ITK: variants seen among roughly 807,000 people sequenced by gnomAD.
ITK encodes tyrosine-protein kinase ITK/TSK.
Under a neutral mutation model 87.6 loss-of-function variants are expected in ITK, and 45 were observed. The ratio of observed to expected loss-of-function variants is 0.51; its 90% CI spans 0.40 to 0.66. The LOEUF is 0.66. Among genes scored for constraint, ITK ranks in the 30% least tolerant of loss-of-function variants. ITK has a pLI of 0.00. For missense variants in ITK, 605 were observed against 766.3 expected (o/e 0.79, Z 2.48); for synonymous variants, 303 against 273.6 (o/e 1.11, Z -1.06).
At chr5:157,192,479 G>A (rs1395051946) in intron 1 of ITK, among the ~76,000 whole-genome samples, 1 of 152,232 alleles carries the variant, frequency 6.6e-6, no homozygotes, top group African/African-American at 2.4e-5. Flanking sequence ...AAAAGCGGAT[G>A]AGGTGAGCAA....
chr5:157,211,563 G>C, intron 3 of ITK, 195 bp downstream of exon 3: 1 of 612,128 alleles, frequency 1.6e-6, no homozygotes. Flanking sequence ...ACCAAATCCA[G>C]CCTGCTGTCT....
At position 157,241,573 on chromosome 5, in the gene ITK, T is replaced by C; in HGVS notation, c.986-73T>C. On this transcript the variant is annotated intron_variant, in intron 10 of 16. Transcript: ENST00000422843. ...GCGTCTGATGATGATTATTATTTTT[T>C]TTAGTGATTTAAGTTAGATGGTTGC... The C allele has an allele frequency of 3.0e-6, 3 of 1,016,494 alleles. No individual in the cohort carries two copies. In the South Asian group the frequency reaches 3.8e-5, roughly 13 times the overall value. The allele number at this position is 1,016,494 out of a possible 1,614,324, so 63.0% of individuals were successfully genotyped here. A position where few individuals can be genotyped will look rare whatever the true frequency, so the allele number is the denominator to read the frequency against.
intron 5 of ITK, among the ~76,000 whole-genome samples, chr5:157,222,060 C>T (rs1357307585): frequency 6.6e-6 from 1 of 152,006 alleles, no homozygotes; most frequent in Admixed American, 6.5e-5. Flanking sequence ...CTTTTTTCAG[C>T]TCCAGTATTT....
chr5:157,206,673 T>C (rs1754085189), intron 1 of ITK, among the ~76,000 whole-genome samples: 1 of 152,218 alleles, frequency 6.6e-6, no homozygotes, highest in South Asian at 2.1e-4. Context: ...TATGTGTGCA[T>C]AGAGGTGTTC....
chr5:157,230,447 G>A (rs376392270), intron 7 of ITK, among the ~76,000 whole-genome samples: 19 of 152,270 alleles, frequency 1.2e-4, no homozygotes, highest in East Asian at 3.9e-4. Flanking sequence ...AAATGTGGTC[G>A]TGTTATTTGT....
chr5:157,220,640 G>A (rs1214859963), intron 5 of ITK, among the ~76,000 whole-genome samples: 1 of 152,078 alleles, frequency 6.6e-6, no homozygotes, highest in African/African-American at 2.4e-5. Context: ...CCACATCATG[G>A]AGGCTCCCAA....
rs1184747777 is a variant in ITK, at chr5:157,248,859, T to C, written c.1643T>C (p.Met548Thr). 4 of 1,613,966 alleles carry C rather than the reference T, an allele frequency of 2.5e-6. No individual in the cohort carries two copies. The highest frequency in any genetic ancestry group is 2.5e-6 in the Non-Finnish European group (3 of 1,179,866). Residue 548 changes from methionine (M) to threonine (T), a missense_variant, in exon 16 of 17, where the codon ATG becomes ACG. By Grantham distance (81) the Met-to-Thr change is moderately conservative. Coordinates refer to ENST00000422843, the MANE Select transcript of ITK (RefSeq NM_005546.4). ...KSDVWSFGVL[M>T]WEVFSEGKIP... Reference sequence around the variant, plus strand: ...TCACCATTTCTTGTAGGTGTGCTGATGTGGGAAGTTTTCAGTGAAGGCAAA... The same window carrying C: ...TCACCATTTCTTGTAGGTGTGCTGACGTGGGAAGTTTTCAGTGAAGGCAAA...
intron 1 of ITK, among the ~76,000 whole-genome samples, chr5:157,198,775 T>C (rs1477432922): frequency 6.6e-6 from 1 of 152,180 alleles, no homozygotes; most frequent in Non-Finnish European, 1.5e-5. Flanking sequence ...TTGTTTTATC[T>C]TGTTTTGTTT....
In ITK at chr5:157,216,108, C is replaced by T. The variant is rs918779088; in HGVS notation, c.455-1759C>T. On this transcript the variant is annotated intron_variant, in intron 4 of 16. Coordinates refer to ENST00000422843, the MANE Select transcript of ITK (RefSeq NM_005546.4). Reference sequence around the variant, plus strand: ...CATTGCCATATCCTCCTCTGAGCATCTCCTCACTCTACCCTCTTCTGATTT... The same window carrying T: ...CATTGCCATATCCTCCTCTGAGCATTTCCTCACTCTACCCTCTTCTGATTT... Among the ~76,000 whole-genome samples the T allele has an allele frequency of 2.0e-5, 3 of 152,330 alleles. No individual in the cohort carries two copies. The East Asian group carries it at 5.8e-4, about 29-fold the overall frequency.
chr5:157,235,096 A>G (rs951675082), intron 8 of ITK, among the ~76,000 whole-genome samples: 1 of 152,196 alleles, frequency 6.6e-6, no homozygotes, highest in African/African-American at 2.4e-5. Flanking sequence ...TAGTTGTTCA[A>G]TAAATATTTG....
At chr5:157,202,994 C>G (rs953660609) in intron 1 of ITK, among the ~76,000 whole-genome samples, 2 of 152,128 alleles carry the variant, frequency 1.3e-5, no homozygotes, top group African/African-American at 4.8e-5. Context: ...ATTTTTCTAC[C>G]CCAGGATTTT....
rs1338954926 is a variant in ITK at position 157,212,224 on chromosome 5, G to A, written c.325+856G>A. On this transcript the variant is annotated intron_variant, in intron 3 of 16. Coordinates refer to ENST00000422843, the MANE Select transcript of ITK (RefSeq NM_005546.4). ...TAGAAAAATACCCATCCCAAAGAAA[G>A]CCCTGGATCAATGTTACCATTATTG... Among the ~76,000 whole-genome samples the A allele has an allele frequency of 3.3e-5, 5 of 152,160 alleles. No individual in the cohort carries two copies. In the South Asian group the frequency reaches 1.0e-3, roughly 32 times the overall value.
At chr5:157,209,339 A>C (rs1270415971) in intron 2 of ITK, among the ~76,000 whole-genome samples, 1 of 152,034 alleles carries the variant, frequency 6.6e-6, no homozygotes, top group Non-Finnish European at 1.5e-5. Context: ...AAAAAAAAAA[A>C]AAAAAAATCC....
In ITK at chr5:157,254,081, A is replaced by G. The variant is rs927566971; in HGVS notation, c.*1403A>G. The G allele has an allele frequency of 8.8e-6, 2 of 227,438 alleles. No individual in the cohort carries two copies. Among genetic ancestry groups the G allele is most frequent in the Non-Finnish European group, 1.7e-5 (2 of 114,522 alleles). 14.1% of individuals were successfully genotyped at this position (227,438 alleles called of 1,614,324 possible). A position where few individuals can be genotyped will look rare whatever the true frequency, so the allele number is the denominator to read the frequency against. On this transcript the variant is annotated 3_prime_UTR_variant, in exon 17 of 17. Coordinates refer to ENST00000422843, the MANE Select transcript of ITK (RefSeq NM_005546.4). ...TAGCCCAAATCTGTCTGACCGCAAT[A>G]CACAGATTCTTTATTCCTATTCGAC...
chr5:157,239,116 A>C (rs374702319), intron 9 of ITK, among the ~76,000 whole-genome samples: 1 of 152,148 alleles, frequency 6.6e-6, no homozygotes, highest in South Asian at 2.1e-4. Context: ...CCCCACAGGT[A>C]TGACGGAGAA....
At chr5:157,222,672 A>G in intron 5 of ITK, 191 bp from the exon 6 acceptor site, 1 of 623,876 alleles carries the variant, frequency 1.6e-6, no homozygotes, top group East Asian at 2.8e-5. Flanking sequence ...GTCAGAATTT[A>G]CCTCATAGAA....
chr5:157,235,805 A>G (rs533520925), intron 8 of ITK, among the ~76,000 whole-genome samples: 1 of 152,342 alleles, frequency 6.6e-6, no homozygotes, highest in Admixed American at 6.5e-5. Flanking sequence ...TTATCTTCTG[A>G]AAGGTCACCT....
At chr5:157,225,766 G>A (rs1754518950) in intron 6 of ITK, among the ~76,000 whole-genome samples, 1 of 152,126 alleles carries the variant, frequency 6.6e-6, no homozygotes, top group Admixed American at 6.5e-5. Context: ...GTCCATTATA[G>A]ACAGGCCCAT....
At position 157,254,568 on chromosome 5, in the gene ITK, A is replaced by T. The variant is rs1255169664; in HGVS notation, c.*1890A>T. ...ACGTTTTGACTGGCTTGAGATTCAG[A>T]TGCATAATTTTTAATTATAATTATT... is the stretch of plus-strand genomic sequence containing the variant. On this transcript the variant is annotated 3_prime_UTR_variant, in exon 17 of 17. Transcript: ENST00000422843. 4.6e-6 allele frequency: 1 copy of T among 219,764 alleles called. No individual in the cohort carries two copies. Among genetic ancestry groups the T allele is most frequent in the Non-Finnish European group, 9.1e-6 (1 of 109,604 alleles). 13.6% of individuals were successfully genotyped at this position (219,764 alleles called of 1,614,324 possible). A position where few individuals can be genotyped will look rare whatever the true frequency, so the allele number is the denominator to read the frequency against.
Sources: allele counts gnomAD v4.1 joint callset (sites outside exome capture counted in the v4.1 genomes callset), GRCh38; gene constraint gnomAD v4.1.1; transcripts MANE v1.5; gene names NCBI Gene and HGNC (gene_info 2026-07-23, HGNC 2026-07-21).